Variants in KRT73 observed in about 807,000 individuals in gnomAD.
The protein encoded by KRT73 is keratin, type II cytoskeletal 73.
Under a neutral mutation model 47.2 loss-of-function variants are expected in KRT73, and 44 were observed. The observed-to-expected ratio is 0.93, with a 90% CI of 0.73 to 1.20. KRT73 has a LOEUF of 1.20. Among genes scored for constraint, KRT73 ranks in the 50% most tolerant of loss-of-function variants. The pLI is 0.00. For synonymous variants in KRT73, 285 were observed against 291.3 expected (o/e 0.98, Z 0.22); for missense variants, 713 against 704.5 (o/e 1.01, Z -0.14).
Position 52,613,539 on chromosome 12 carries a change from TCTC to T in KRT73, c.984+146_984+148del, listed in dbSNP as rs536398756. 186 of 1,434,388 alleles carry T rather than the reference TCTC, an allele frequency of 1.3e-4. No individual in the cohort carries two copies. The African/African-American group carries it at 2.5e-3, about 19-fold the overall frequency. The allele number at this position is 1,434,388 out of a possible 1,614,324, so 88.9% of individuals were successfully genotyped here. On this transcript the variant is annotated intron_variant, in intron 5 of 8. Transcript: ENST00000305748. ...GGGTGCCAAGGACAGAGCTGTGTCT[TCTC>T]CTCCCCTTTGGCTTCCCCCAGTGCC... is the stretch of plus-strand genomic sequence containing the variant.
rs762978709 is a variant in KRT73, at chr12:52,614,664, G to C, written c.734C>G (p.Ala245Gly). ...CAGCTCCACTTTGCTCGTGTAAGCT[G>C]CGTCCACGTCCTATGGAGAATCCAG... is the stretch of plus-strand genomic sequence containing the variant. ...EFVVLKKDVD[A>G]AYTSKVELQA... The change falls in exon 4 of 9, where the codon GCA becomes GGA. Residue 245 changes from alanine (A) to glycine (G), a missense_variant. Physicochemically the swap from Ala to Gly is moderately conservative, Grantham distance 60. Transcript: ENST00000305748. 4 of 1,613,434 alleles carry C rather than the reference G, an allele frequency of 2.5e-6. No individual in the cohort carries two copies. In the East Asian group the frequency reaches 6.7e-5, roughly 27 times the overall value.
the KRT73 span, among the ~76,000 whole-genome samples, chr12:52,624,961 C>A: frequency 1.3e-5 from 2 of 151,872 alleles, no homozygotes; most frequent in Non-Finnish European, 2.9e-5. Flanking sequence ...AACAAAAAAT[C>A]TTGATTTAAG....
chr12:52,627,038 C>A, the KRT73 span, among the ~76,000 whole-genome samples: 1 of 152,192 alleles, frequency 6.6e-6, no homozygotes, highest in African/African-American at 2.4e-5. Flanking sequence ...TTTCATTTGA[C>A]CATTTCAACC....
chr12:52,610,517 C>G, intron 7 of KRT73, 98 bp downstream of exon 7: 1 of 487,622 alleles, frequency 2.1e-6, no homozygotes, highest in South Asian at 1.6e-5. Flanking sequence ...GTAAACACAT[C>G]GCCAGCTCGC....
chr12:52,608,810 G>A (rs542530797), intron 8 of KRT73, among the ~76,000 whole-genome samples: 1 of 152,212 alleles, frequency 6.6e-6, no homozygotes, highest in Non-Finnish European at 1.5e-5. Flanking sequence ...AAATTAGGGA[G>A]TTTCTGCTGG....
chr12:52,628,488 A>G, the KRT73 span, among the ~76,000 whole-genome samples: 1 of 152,224 alleles, frequency 6.6e-6, no homozygotes, highest in Non-Finnish European at 1.5e-5. Context: ...GAGGCCTTGT[A>G]AAATGAAACA....
At chr12:52,611,824 C>T (rs919099703) in intron 5 of KRT73, among the ~76,000 whole-genome samples, 1 of 152,164 alleles carries the variant, frequency 6.6e-6, no homozygotes, top group Non-Finnish European at 1.5e-5. Context: ...CCCCATCCAT[C>T]CTCCTTTTTC....
rs1940859808 is a variant in KRT73 at position 52,618,536 on chromosome 12, C to A, written c.-12G>T. On this transcript the variant is annotated 5_prime_UTR_variant, in exon 1 of 9. Transcript: ENST00000305748. ...AATTGGCGGCTCATGGTGGGGAGGC[C>A]AGAAAGTGGGGATAAGATGCTGACC... is the stretch of plus-strand genomic sequence containing the variant. 1.3e-6 allele frequency: 2 copies of A among 1,584,768 alleles called. No homozygotes were observed. Among genetic ancestry groups the A allele is most frequent in the African/African-American group, 1.4e-5 (1 of 73,926 alleles).
intron 5 of KRT73, chr12:52,612,225 C>T (rs925590198): frequency 3.3e-5 from 5 of 152,208 alleles, no homozygotes; most frequent in African/African-American, 1.2e-4. Context: ...CATGGAGGAA[C>T]ATTTTGTGTG....
intron 5 of KRT73, 140 bp downstream of exon 5, chr12:52,613,548 C>A: frequency 6.8e-7 from 1 of 1,469,878 alleles, no homozygotes; most frequent in Non-Finnish European, 9.0e-7. Flanking sequence ...TTCTCCTCCC[C>A]TTTGGCTTCC....
intron 2 of KRT73, 73 bp downstream of exon 2, chr12:52,616,093 G>A (rs1190687703): frequency 3.8e-6 from 6 of 1,575,586 alleles, no homozygotes; most frequent in African/African-American, 2.7e-5. Flanking sequence ...AAGGCCAGAG[G>A]CAAACATCCC....
the KRT73 span, among the ~76,000 whole-genome samples, chr12:52,626,035 G>T: frequency 6.6e-6 from 1 of 152,152 alleles, no homozygotes; most frequent in Non-Finnish European, 1.5e-5. Flanking sequence ...GTCCAAATGA[G>T]GACAACATGA....
chr12:52,612,409 ACT>A (rs1940721052), intron 5 of KRT73: 1 of 152,098 alleles, frequency 6.6e-6, no homozygotes, highest in Admixed American at 6.6e-5. Context: ...ACCCTTCAGC[ACT>A]CTGGTGTACT....
At chr12:52,608,547 A>G in intron 8 of KRT73, 95 bp from the exon 9 acceptor site, 1 of 1,109,758 alleles carries the variant, frequency 9.0e-7, no homozygotes, top group East Asian at 2.7e-5. Flanking sequence ...TAGCTTAAAT[A>G]CCTCCTTCTT....
rs146689491 is a variant in KRT73, at chr12:52,618,408, G to A, written c.117C>T (p.Leu39=). 1.5e-4 allele frequency: 239 copies of A among 1,614,058 alleles called. No homozygotes were observed. Among genetic ancestry groups the A allele is most frequent in the Non-Finnish European group, 2.0e-4 (233 of 1,180,042 alleles). Residue 39 remains leucine (L), a synonymous_variant, in exon 1 of 9, where the codon CTC becomes CTT. Transcript: ENST00000305748. The stretch of plus-strand genomic sequence containing the variant: ...GGCTCCGACTGCTGAAGCCTCCACT[G>A]AGCCCTTTGCCCCCTGCTCGGTAGG... ...SSSYRAGGKG[L]SGGFSSRSLY... is the part of the protein sequence containing the mutation.
intron 1 of KRT73, among the ~76,000 whole-genome samples, chr12:52,616,718 G>A (rs1283521668): frequency 1.3e-5 from 2 of 152,112 alleles, no homozygotes; most frequent in Admixed American, 1.3e-4. Flanking sequence ...CTCCAAGGCA[G>A]CCCCTTAGAC....
intron 1 of KRT73, among the ~76,000 whole-genome samples, chr12:52,617,533 T>TGTG (rs35587820): frequency 0.062 from 9,488 of 152,124 alleles, 717 homozygotes; most frequent in Admixed American, 0.16. Context: ...TCATAGGCTG[T>TGTG]GTGTGTTACG....
intron 2 of KRT73, 107 bp downstream of exon 2, chr12:52,616,059 G>A (rs3847849): frequency 0.049 from 66,547 of 1,354,942 alleles, 2,468 homozygotes; most frequent in African/African-American, 0.17. Context: ...TCATCTTGCT[G>A]GGACAGATGA....
At chr12:52,609,119 T>G in intron 8 of KRT73, 128 bp downstream of exon 8, 2 of 798,244 alleles carry the variant, frequency 2.5e-6, no homozygotes, top group Non-Finnish European at 4.4e-6. Flanking sequence ...GCAAGGAAGG[T>G]GAGTATGTGA....
Sources: allele counts gnomAD v4.1 joint callset (sites outside exome capture counted in the v4.1 genomes callset), GRCh38; gene constraint gnomAD v4.1.1; transcripts MANE v1.5; gene names NCBI Gene and HGNC (gene_info 2026-07-23, HGNC 2026-07-21).